SLX4: variants seen among roughly 807,000 people sequenced by gnomAD.
SLX4 encodes structure-specific endonuclease subunit SLX4.
SLX4 carries 112 observed loss-of-function variants against 146.2 expected under a neutral mutation model. That is an observed-to-expected ratio of 0.77 (90% confidence interval 0.66 to 0.90). The LOEUF (loss-of-function observed/expected upper bound fraction) is 0.90, where lower values mean the gene tolerates loss of function less well. Ranked by LOEUF, SLX4 falls within the 40% of genes least tolerant of loss-of-function variation. The pLI, the probability that SLX4 is intolerant of heterozygous loss-of-function variation, is 0.00. For synonymous variants in SLX4, 1,061 were observed against 997.7 expected, an observed-to-expected ratio of 1.06 and a Z score of -1.20; for missense variants, 2,563 against 2,392.7, an observed-to-expected ratio of 1.07 and a Z score of -1.49.
At position 3,589,022 on chromosome 16, in the gene SLX4, G is replaced by A. The variant is rs1330252438; in HGVS notation, c.4616C>T (p.Pro1539Leu). Residue 1539 changes from proline (P) to leucine (L), a missense_variant, in exon 12 of 15, where the codon CCC becomes CTC. Transcript: ENST00000294008. The surrounding 1 kb of genome is among the most constrained non-coding windows in gnomAD (Gnocchi z 6.2). ...CTCACTGGGTGTCTCTAACCCTTCG[G>A]GCTTCTGAGCTCCACCAGCGCTTGG... ...QMPSAGGAQK[P>L]EGLETPKGAN... The A allele has an allele frequency of 6.2e-7, 1 of 1,614,072 alleles. No homozygotes were observed. The highest frequency in any genetic ancestry group is 8.5e-7 in the Non-Finnish European group (1 of 1,180,022).
In SLX4 at chr16:3,601,065, C is replaced by G. The variant is rs149470704; in HGVS notation, c.1077G>C (p.Lys359Asn). The change falls in exon 5 of 15, where the codon AAG becomes AAC. Residue 359 changes from lysine to asparagine, a missense_variant. Lys to Asn is a moderately conservative substitution (Grantham distance 94, BLOSUM62 0). Coordinates refer to ENST00000294008, the MANE Select transcript of SLX4 (RefSeq NM_032444.4). ...GCAGGAGCTGGGGGCCAACCTCCAT[C>G]TTCACAGCACACTGCTTCAAGTGAC... is the stretch of plus-strand genomic sequence containing the variant. ...RTSHLKQCAV[K>N]MEVGPQLLLQ... 1 of 1,614,148 alleles carries G rather than the reference C, an allele frequency of 6.2e-7. No homozygotes were observed. The highest frequency in any genetic ancestry group is 1.7e-5 in the Admixed American group (1 of 60,026).
rs2151115896 is a variant in SLX4 at position 3,582,616 on chromosome 16, T to C, written c.5231A>G (p.Gln1744Arg). ...TGTGTCCGCCGCCTGCACGGCTGCC[T>C]GCGAGGCACTGACCTCCCCCTCGCC... The part of the protein sequence containing the change: ...EEGEGEVSAS[Q>R]AAVQAADTDE... The change falls in exon 15 of 15, where the codon CAG becomes CGG. Residue 1744 changes from glutamine (Q) to arginine (R), a missense_variant. Transcript: ENST00000294008. The C allele has an allele frequency of 3.7e-6, 6 of 1,613,622 alleles. No homozygotes were observed. The highest frequency in any genetic ancestry group is 5.1e-6 in the Non-Finnish European group (6 of 1,180,040).
At chr16:3,594,414 A>G in intron 10 of SLX4, 39 bp downstream of exon 10, 1 of 1,593,144 alleles carries the variant, frequency 6.3e-7, no homozygotes, top group Non-Finnish European at 8.5e-7. Context: ...AGAGAGGGAG[A>G]GAGAGGAAAG....
At position 3,583,363 on chromosome 16, in the gene SLX4, G is replaced by A. The variant is rs761814315; in HGVS notation, c.4887C>T (p.Leu1629=). 7 of 1,613,164 alleles carry A rather than the reference G, an allele frequency of 4.3e-6. No individual in the cohort carries two copies. The highest frequency in any genetic ancestry group is 1.7e-5 in the Admixed American group (1 of 59,928). ...TTGAAGGCTTGTAGGTCTGGGAGGC[G>A]AGGGTCTGGCAGTGAGGCGCCTGCA... ...PLLQAPHCQT[L]ASQTYKPSRA... is the part of the protein sequence containing the mutation. Residue 1629 remains leucine, a synonymous_variant, in exon 14 of 15, where the codon CTC becomes CTT. Coordinates refer to ENST00000294008, the MANE Select transcript of SLX4 (RefSeq NM_032444.4).
chr16:3,584,852 C>A lies in SLX4; in HGVS notation c.4656G>T (p.Lys1552Asn). The A allele has an allele frequency of 1.9e-6, 3 of 1,613,648 alleles. No individual in the cohort carries two copies. Among genetic ancestry groups the A allele is most frequent in the South Asian group, 2.2e-5 (2 of 91,080 alleles). The stretch of plus-strand genomic sequence containing the variant: ...TTATGGGCACTTTGGGGGGCAAGTT[C>A]TTCTTCCGATTAGCACCTTCTGGGT... ...LETPKGANRK[K>N]NLPPKVPITP... Residue 1552 changes from lysine to asparagine, a missense_variant, in exon 13 of 15, where the codon AAG becomes AAT. Transcript: ENST00000294008.
Position 3,597,485 on chromosome 16 carries a change from T to A in SLX4, c.1577A>T (p.Lys526Met). The A allele has an allele frequency of 6.2e-7, 1 of 1,614,074 alleles. No individual in the cohort carries two copies. Reference protein sequence around the residue: ...AGQCPPPPERKQSFLWEGSAL... With the variant: ...AGQCPPPPERMQSFLWEGSAL... ...GCTGCCCTCCCACAGAAAGCTCTGC[T>A]TGCGTTCAGGTGGAGGAGGACACTG... The change falls in exon 7 of 15, where the codon AAG (lysine) becomes ATG (methionine). Residue 526 changes from lysine (K) to methionine (M), a missense_variant. Transcript: ENST00000294008. This position sits in a 1 kb window ranked among gnomAD's most constrained non-coding sequence, Gnocchi z 4.4.
At chr16:3,595,122 C>A (rs542072043) in intron 9 of SLX4, among the ~76,000 whole-genome samples, 1 of 152,186 alleles carries the variant, frequency 6.6e-6, no homozygotes, top group Non-Finnish European at 1.5e-5. Flanking sequence ...CCAGTTCCCA[C>A]CCCGGTTCTT....
rs2040570894 is a variant in SLX4, at chr16:3,590,434, C to T, written c.3204G>A (p.Val1068=). 8 of 1,614,080 alleles carry T rather than the reference C, an allele frequency of 5.0e-6. No individual in the cohort carries two copies. Among genetic ancestry groups the T allele is most frequent in the Non-Finnish European group, 6.8e-6 (8 of 1,180,036 alleles). ...TPRSRGGTSQ[V]GSPTLLSPAV... is the part of the protein sequence containing the mutation. Reference sequence around the variant, plus strand: ...CTGGAGACAGCAAGGTTGGGGAGCCCACCTGGGAAGTTCCGCCACGGGACC... The same window carrying T: ...CTGGAGACAGCAAGGTTGGGGAGCCTACCTGGGAAGTTCCGCCACGGGACC... Residue 1068 remains valine, a synonymous_variant, in exon 12 of 15, where the codon GTG becomes GTA. Transcript: ENST00000294008. This position sits in a 1 kb window ranked among gnomAD's most constrained non-coding sequence, Gnocchi z 4.8.
At chr16:3,604,308 C>A (rs747985089) in intron 3 of SLX4, among the ~76,000 whole-genome samples, 30 of 151,042 alleles carry the variant, frequency 2.0e-4, no homozygotes, top group Non-Finnish European at 3.8e-4. Context: ...TGCTGAGCTA[C>A]AGCAATATGC....
intron 12 of SLX4, among the ~76,000 whole-genome samples, chr16:3,585,248 T>C (rs1243175337): frequency 1.3e-5 from 2 of 152,164 alleles, no homozygotes; most frequent in African/African-American, 2.4e-5. Flanking sequence ...ACATCAGTTT[T>C]GCTTTTTAAA....
At chr16:3,596,041 G>A in intron 8 of SLX4, 112 bp downstream of exon 8, 1 of 1,444,002 alleles carries the variant, frequency 6.9e-7, no homozygotes, top group Non-Finnish European at 9.2e-7. Context: ...TCTCCCACCA[G>A]GTCAGAGCTG....
chr16:3,599,401 C>T (rs2040702715), intron 5 of SLX4, among the ~76,000 whole-genome samples: 1 of 152,368 alleles, frequency 6.6e-6, no homozygotes, highest in African/African-American at 2.4e-5. Context: ...TCAGCTCTAG[C>T]GTCCTCAGCA....
In SLX4 at chr16:3,597,876, C is replaced by A. The variant is rs767927933; in HGVS notation, c.1287G>T (p.Arg429=). Residue 429 remains arginine (R), a synonymous_variant, in exon 6 of 15, where the codon CGG becomes CGT. Coordinates refer to ENST00000294008, the MANE Select transcript of SLX4 (RefSeq NM_032444.4). This position sits in a 1 kb window ranked among gnomAD's most constrained non-coding sequence, Gnocchi z 4.4. ...EDLLVAMALS[R]SEMEPGAAVP... is the part of the protein sequence containing the mutation. ...CAGCCGCACCCGGCTCCATCTCCGACCGGGACAGAGCCATGGCCACCAGCA... is the reference window on the plus strand; with the variant it reads ...CAGCCGCACCCGGCTCCATCTCCGAACGGGACAGAGCCATGGCCACCAGCA... 3.6e-5 allele frequency: 58 copies of A among 1,614,030 alleles called. No homozygotes were observed. Among genetic ancestry groups the A allele is most frequent in the Non-Finnish European group, 1.7e-6 (2 of 1,180,038 alleles).
chr16:3,601,233 G>A, intron 4 of SLX4, 42 bp from the exon 5 acceptor site: 2 of 1,605,198 alleles, frequency 1.2e-6, no homozygotes, highest in Non-Finnish European at 1.7e-6. Context: ...CCCTCCCCAG[G>A]AATGTGGATT....
chr16:3,609,283 C>G lies in SLX4; in HGVS notation c.-319G>C. Reference sequence around the variant, plus strand: ...ATTGGCCAGGCGTGGTAGCAGATGCCTGTAATCCCAGCTACTCGGGAGGCA... The same window carrying G: ...ATTGGCCAGGCGTGGTAGCAGATGCGTGTAATCCCAGCTACTCGGGAGGCA... On this transcript the variant is annotated 5_prime_UTR_variant, in exon 2 of 15. Coordinates refer to ENST00000294008, the MANE Select transcript of SLX4 (RefSeq NM_032444.4). 1 of 312,462 alleles carries G rather than the reference C, an allele frequency of 3.2e-6. No individual in the cohort carries two copies. Among genetic ancestry groups the G allele is most frequent in the East Asian group, 5.9e-5 (1 of 16,832 alleles). 19.4% of individuals were successfully genotyped at this position (312,462 alleles called of 1,614,324 possible).
Position 3,596,298 on chromosome 16 carries a change from T to C in SLX4, c.1779A>G (p.Ala593=). The change falls in exon 8 of 15, where the codon GCA becomes GCG. Residue 593 remains alanine, a synonymous_variant. Transcript: ENST00000294008. ...GCGACGGGCCCCTGGAGCCACAGCC[T>C]GCAGTGGGGGTGCCGTGGAGAGCGG... ...RSPALHGTPT[A]GCGSRGPSPS... 1 of 1,574,786 alleles carries C rather than the reference T, an allele frequency of 6.4e-7. No homozygotes were observed. Among genetic ancestry groups the C allele is most frequent in the Non-Finnish European group, 8.6e-7 (1 of 1,160,616 alleles).
chr16:3,584,412 C>T (rs993287675), intron 13 of SLX4, among the ~76,000 whole-genome samples: 2 of 152,050 alleles, frequency 1.3e-5, no homozygotes, highest in Non-Finnish European at 2.9e-5. Flanking sequence ...CAGAGCAAGA[C>T]TCTGTCTTTC....
rs1457147753 is a variant in SLX4, at chr16:3,589,476, G to C, written c.4162C>G (p.Pro1388Ala). Residue 1388 changes from proline to alanine, a missense_variant, in exon 12 of 15, where the codon CCA becomes GCA. Transcript: ENST00000294008. The surrounding 1 kb of genome is among the most constrained non-coding windows in gnomAD (Gnocchi z 6.2). ...PPGPSFLNQT[P>A]AGEVVEVGDS... Reference sequence around the variant, plus strand: ...CCGACTTCCACCACTTCACCCGCTGGGGTCTGGTTCAGGAAGCTTGGCCCA... The same window carrying C: ...CCGACTTCCACCACTTCACCCGCTGCGGTCTGGTTCAGGAAGCTTGGCCCA... The C allele has an allele frequency of 1.9e-6, 3 of 1,608,854 alleles. No individual in the cohort carries two copies. The highest frequency in any genetic ancestry group is 8.5e-7 in the Non-Finnish European group (1 of 1,176,042).
chr16:3,602,079 C>A (rs759986419), intron 4 of SLX4, 39 bp downstream of exon 4: 172 of 1,613,344 alleles, frequency 1.1e-4, no homozygotes, highest in Non-Finnish European at 1.4e-4. Flanking sequence ...GGATTCTGGT[C>A]ACATACACGG....
Sources: allele counts gnomAD v4.1 joint callset (sites outside exome capture counted in the v4.1 genomes callset), GRCh38; gene constraint gnomAD v4.1.1; non-coding constraint Gnocchi (gnomAD v3.1); transcripts MANE v1.5; gene names NCBI Gene and HGNC (gene_info 2026-07-23, HGNC 2026-07-21).